Variants in RPS6KC1 observed in about 807,000 individuals in gnomAD.
RPS6KC1 encodes inactive ribosomal protein S6 kinase delta-1.
A neutral mutation model predicts 103.8 loss-of-function variants in RPS6KC1; 54 were observed. The ratio of observed to expected loss-of-function variants is 0.52; its 90% CI spans 0.42 to 0.65. The LOEUF (loss-of-function observed/expected upper bound fraction) is 0.65, where lower values mean the gene tolerates loss of function less well. RPS6KC1 is among the 30% of genes least tolerant of loss of function. The probability of loss-of-function intolerance (pLI) is 0.00; values close to 1 mark genes in which losing one functional copy is unlikely to be tolerated. For synonymous variants in RPS6KC1, 439 were observed against 438.7 expected (o/e 1.00, Z -0.01); for missense variants, 1,151 against 1,253.8 (o/e 0.92, Z 1.24).
intron 1 of RPS6KC1, among the ~76,000 whole-genome samples, chr1:213,067,172 G>A (rs912404474): frequency 6.6e-6 from 1 of 152,130 alleles, no homozygotes; most frequent in African/African-American, 2.4e-5. Context: ...ATAAAATCAA[G>A]CTGTGCCCCT....
At chr1:213,786,886 G>A in the RPS6KC1 span, among the ~76,000 whole-genome samples, 1 of 152,154 alleles carries the variant, frequency 6.6e-6, no homozygotes, top group African/African-American at 2.4e-5. Context: ...TCATCAGGTA[G>A]CTTCTCAAAG....
chr1:213,649,708 A>G, the RPS6KC1 span, among the ~76,000 whole-genome samples: 1 of 152,130 alleles, frequency 6.6e-6, no homozygotes. Flanking sequence ...TCCAACAAAA[A>G]TCGTAAGCTC....
the RPS6KC1 span, among the ~76,000 whole-genome samples, chr1:213,583,215 T>C: frequency 1.3e-5 from 2 of 152,232 alleles, no homozygotes; most frequent in African/African-American, 4.8e-5. Flanking sequence ...AAAGCTGCAA[T>C]AAACATTCGT....
At chr1:213,283,684 G>A in the RPS6KC1 span, among the ~76,000 whole-genome samples, 4 of 152,162 alleles carry the variant, frequency 2.6e-5, no homozygotes, top group Non-Finnish European at 5.9e-5. Flanking sequence ...TGACCTGCCA[G>A]CACTGCCTTC....
At chr1:213,383,420 G>A in the RPS6KC1 span, among the ~76,000 whole-genome samples, 16 of 152,286 alleles carry the variant, frequency 1.1e-4, no homozygotes, top group South Asian at 1.7e-3. Flanking sequence ...CATGACCTGC[G>A]TGAGGCCCTT....
At chr1:213,072,962 G>A (rs41304113) in intron 2 of RPS6KC1, 10,794 of 938,170 alleles carry the variant, frequency 0.012, 74 homozygotes, top group Non-Finnish European at 0.013. Context: ...ACAACTGTTG[G>A]TGAACCATTC....
the RPS6KC1 span, among the ~76,000 whole-genome samples, chr1:213,368,541 A>T: frequency 3.9e-5 from 6 of 152,358 alleles, no homozygotes; most frequent in African/African-American, 1.2e-4. Context: ...GCAGATATTT[A>T]GAGCTCAGAT....
chr1:213,530,094 C>T, the RPS6KC1 span, among the ~76,000 whole-genome samples: 1 of 151,514 alleles, frequency 6.6e-6, no homozygotes, highest in African/African-American at 2.4e-5. Flanking sequence ...GGTACATGTG[C>T]ACAACGTGCA....
chr1:213,051,374 GGGTGGCGGC>G lies in RPS6KC1; in HGVS notation c.-28_-20del. ...CCGGGTTTCCCTCATGATCCCGGGCGGGTGGCGGCGGCGGCAGAGGCGGCGGGAGGATGA... is the reference window on the plus strand; with the variant it reads ...CCGGGTTTCCCTCATGATCCCGGGCGGGCGGCAGAGGCGGCGGGAGGATGA... On this transcript the variant is annotated 5_prime_UTR_variant, in exon 1 of 15. Coordinates refer to ENST00000366960, the MANE Select transcript of RPS6KC1 (RefSeq NM_012424.6). 1 of 1,535,788 alleles carries G rather than the reference GGGTGGCGGC, an allele frequency of 6.5e-7. No individual in the cohort carries two copies. Among genetic ancestry groups the G allele is most frequent in the Non-Finnish European group, 9.0e-7 (1 of 1,114,056 alleles).
At chr1:213,539,170 CTCTCA>C in the RPS6KC1 span, among the ~76,000 whole-genome samples, 1 of 152,210 alleles carries the variant, frequency 6.6e-6, no homozygotes, top group Non-Finnish European at 1.5e-5. Context: ...AGCTCTAGAA[CTCTCA>C]TCTCAACTCT....
At chr1:213,149,321 G>A (rs775297958) in intron 6 of RPS6KC1, among the ~76,000 whole-genome samples, 8 of 152,004 alleles carry the variant, frequency 5.3e-5, no homozygotes, top group African/African-American at 7.3e-5. Flanking sequence ...TGCTTTTGCC[G>A]TATCCCATAG....
At chr1:213,214,657 G>A (rs1048764648) in intron 8 of RPS6KC1, among the ~76,000 whole-genome samples, 2 of 152,106 alleles carry the variant, frequency 1.3e-5, no homozygotes, top group Admixed American at 6.5e-5. Context: ...TCACATGGCC[G>A]GGTACTCCTC....
At chr1:213,202,931 C>T (rs1287091626) in intron 8 of RPS6KC1, among the ~76,000 whole-genome samples, 9 of 151,976 alleles carry the variant, frequency 5.9e-5, no homozygotes, top group African/African-American at 2.2e-4. Context: ...TTATTTAATT[C>T]GTTCTCTTTA....
At chr1:213,666,961 C>G in the RPS6KC1 span, among the ~76,000 whole-genome samples, 1 of 152,202 alleles carries the variant, frequency 6.6e-6, no homozygotes, top group African/African-American at 2.4e-5. Context: ...GAGAAAAGCT[C>G]AGACCCAAGA....
the RPS6KC1 span, among the ~76,000 whole-genome samples, chr1:213,579,440 T>C: frequency 2.6e-5 from 4 of 152,086 alleles, no homozygotes; most frequent in Non-Finnish European, 4.4e-5. Context: ...AACAAAAAAG[T>C]ACAAGGTGAA....
the RPS6KC1 span, among the ~76,000 whole-genome samples, chr1:213,380,898 C>T: frequency 6.6e-6 from 1 of 152,192 alleles, no homozygotes; most frequent in South Asian, 2.1e-4. Flanking sequence ...CACATGTTCT[C>T]TTCATGCCCA....
chr1:213,628,889 A>G, the RPS6KC1 span, among the ~76,000 whole-genome samples: 834 of 152,170 alleles, frequency 5.5e-3, 15 homozygotes, highest in African/African-American at 0.019. Context: ...GGAGTTGAGC[A>G]GTTTTGAGTG....
chr1:213,473,248 C>G, the RPS6KC1 span, among the ~76,000 whole-genome samples: 5 of 152,226 alleles, frequency 3.3e-5, no homozygotes, highest in Admixed American at 3.3e-4. Context: ...TGCTCATAGT[C>G]AGGCCAGTAG....
At chr1:213,498,984 T>A in the RPS6KC1 span, among the ~76,000 whole-genome samples, 6 of 150,558 alleles carry the variant, frequency 4.0e-5, no homozygotes, top group African/African-American at 1.5e-4. Flanking sequence ...TTCTCCATGT[T>A]GTCCAGGCCG....
Sources: gnomAD v4.1 joint callset for allele counts (sites outside exome capture counted in the v4.1 genomes callset) on GRCh38, gnomAD v4.1.1 for gene constraint, MANE v1.5 for transcripts, NCBI Gene and HGNC (gene_info 2026-07-23, HGNC 2026-07-21) for gene names.